Variants in SAMMSON observed in about 807,000 individuals in gnomAD.
SAMMSON encodes the protein survival associated mitochondrial melanoma specific oncogenic non-coding RNA.
chr3:70,148,050 A>G (rs965738532), intron 4 of SAMMSON, among the ~76,000 whole-genome samples: 4 of 152,124 alleles, frequency 2.6e-5, no homozygotes, highest in South Asian at 2.1e-4. Context: ...ATCATTATCC[A>G]TTAAGGAAAT....
chr3:70,427,355 A>T (rs750389955), intron 2 of SAMMSON, among the ~76,000 whole-genome samples: 22 of 152,162 alleles, frequency 1.4e-4, no homozygotes, highest in Non-Finnish European at 2.8e-4. Flanking sequence ...TATAAGGTGT[A>T]TTTCTTCCAT....
chr3:70,100,117 A>G lies in SAMMSON; in HGVS notation n.507+28552A>G, dbSNP rs1376374129. On this transcript the variant is annotated intron_variant and non_coding_transcript_variant, in intron 4 of 9. Transcript: ENST00000642114. ...ACACTCTGATTAATTTAGTTTTGGC[A>G]GTATTTTCATTGGGGGTGCATATTT... Among the ~76,000 whole-genome samples the G allele has an allele frequency of 2.6e-5, 4 of 152,190 alleles. No homozygotes were observed. The East Asian group carries it at 7.7e-4, about 29-fold the overall frequency.
At chr3:70,145,035 T>A (rs959900437) in intron 4 of SAMMSON, among the ~76,000 whole-genome samples, 2 of 152,170 alleles carry the variant, frequency 1.3e-5, no homozygotes, top group African/African-American at 4.8e-5. Context: ...GTTTAGAATC[T>A]GTTACCCATC....
intron 4 of SAMMSON, among the ~76,000 whole-genome samples, chr3:70,089,558 A>G (rs974252290): frequency 1.3e-5 from 2 of 151,174 alleles, no homozygotes; most frequent in East Asian, 2.0e-4. Flanking sequence ...GGTGGGGCTG[A>G]GGGTGATGGG....
chr3:70,307,225 G>T (rs1702410911), intron 7 of SAMMSON, among the ~76,000 whole-genome samples: 1 of 151,994 alleles, frequency 6.6e-6, no homozygotes, highest in South Asian at 2.1e-4. Context: ...TGTTGTTGTT[G>T]TTACTTAACC....
At chr3:70,371,708 A>G (rs886112298) in intron 9 of SAMMSON, among the ~76,000 whole-genome samples, 35 of 152,046 alleles carry the variant, frequency 2.3e-4, no homozygotes, top group African/African-American at 8.2e-4. Context: ...TAATAAATTC[A>G]TTTATCAAAT....
chr3:70,385,351 A>G (rs1703112016), intron 9 of SAMMSON, among the ~76,000 whole-genome samples: 1 of 152,122 alleles, frequency 6.6e-6, no homozygotes, highest in African/African-American at 2.4e-5. Flanking sequence ...TTAAAGATTG[A>G]AGACAAAGGC....
rs561234872 is a variant in SAMMSON at position 70,075,398 on chromosome 3, T to G, written n.507+3833T>G. ...AAAATCTCTCAAATGACATTGTATA[T>G]CTAATGTTAGTGATGGGGAATTTAG... is the stretch of plus-strand genomic sequence containing the variant. On this transcript the variant is annotated intron_variant and non_coding_transcript_variant, in intron 4 of 9. Transcript: ENST00000642114. 8 of 152,216 alleles carry G rather than the reference T, an allele frequency of 5.3e-5. No homozygotes were observed. In the South Asian group the frequency reaches 1.7e-3, roughly 32 times the overall value. 9.4% of individuals were successfully genotyped at this position (152,216 alleles called of 1,614,324 possible). A position where few individuals can be genotyped will look rare whatever the true frequency, so the allele number is the denominator to read the frequency against.
At chr3:70,102,466 T>G (rs2067349880) in intron 4 of SAMMSON, among the ~76,000 whole-genome samples, 2 of 152,308 alleles carry the variant, frequency 1.3e-5, no homozygotes, top group South Asian at 2.1e-4. Context: ...TCTGGGATCT[T>G]TCTGAGAATC....
At chr3:70,129,105 C>T (rs1483601615) in intron 4 of SAMMSON, among the ~76,000 whole-genome samples, 1 of 152,074 alleles carries the variant, frequency 6.6e-6, no homozygotes, top group Non-Finnish European at 1.5e-5. Context: ...TTATTGGATA[C>T]TGGGATTATA....
At chr3:70,005,094 A>AT (rs1333009074) in intron 1 of SAMMSON, among the ~76,000 whole-genome samples, 1 of 151,958 alleles carries the variant, frequency 6.6e-6, no homozygotes, top group East Asian at 1.9e-4. Context: ...GTAAGAGGAG[A>AT]TTTTTCTGTT....
At chr3:70,158,453 C>T (rs1365990279) in intron 4 of SAMMSON, among the ~76,000 whole-genome samples, 1 of 151,822 alleles carries the variant, frequency 6.6e-6, no homozygotes, top group Non-Finnish European at 1.5e-5. Context: ...ATTCATTCAC[C>T]AGTTGATGAA....
At chr3:70,416,866 G>A (rs1057410519) in intron 2 of SAMMSON, among the ~76,000 whole-genome samples, 1 of 152,254 alleles carries the variant, frequency 6.6e-6, no homozygotes, top group African/African-American at 2.4e-5. Flanking sequence ...GCTAACAGGA[G>A]CTAATAGATT....
intron 3 of SAMMSON, among the ~76,000 whole-genome samples, chr3:70,031,802 C>T (rs1033740348): frequency 5.3e-5 from 8 of 152,072 alleles, no homozygotes; most frequent in East Asian, 1.9e-4. Context: ...CACTGTAGAC[C>T]GACAGAGTTT....
intron 6 of SAMMSON, among the ~76,000 whole-genome samples, chr3:70,274,007 C>G (rs963765876): frequency 1.1e-4 from 17 of 150,534 alleles, no homozygotes; most frequent in Admixed American, 2.0e-4. Context: ...TCTCTCAAAA[C>G]TAAGATGCCA....
intron 4 of SAMMSON, among the ~76,000 whole-genome samples, chr3:70,109,365 G>A (rs1368942476): frequency 6.6e-6 from 1 of 152,022 alleles, no homozygotes; most frequent in Admixed American, 6.6e-5. Context: ...CAATTGTGTG[G>A]AGCCCACTTC....
chr3:70,222,747 A>G (rs553376829), intron 4 of SAMMSON, among the ~76,000 whole-genome samples: 1 of 152,178 alleles, frequency 6.6e-6, no homozygotes, highest in African/African-American at 2.4e-5. Flanking sequence ...AGAAACTGGT[A>G]TAAATATACA....
intron 4 of SAMMSON, among the ~76,000 whole-genome samples, chr3:70,173,326 G>T (rs1700977867): frequency 6.6e-6 from 1 of 151,790 alleles, no homozygotes; most frequent in South Asian, 2.1e-4. Flanking sequence ...TTAATCAATT[G>T]AGTTTAATTT....
chr3:70,329,252 T>A (rs929253343), intron 7 of SAMMSON, among the ~76,000 whole-genome samples: 5 of 152,158 alleles, frequency 3.3e-5, no homozygotes, highest in African/African-American at 4.8e-5. Flanking sequence ...TTTAATAAGT[T>A]CTTAGTTTTT....
Sources: gnomAD v4.1 joint callset for allele counts (sites outside exome capture counted in the v4.1 genomes callset) on GRCh38, gnomAD v4.1.1 for gene constraint, MANE v1.5 for transcripts, NCBI Gene and HGNC (gene_info 2026-07-23, HGNC 2026-07-21) for gene names.